The following PTPRD variants were observed in gnomAD, a reference collection of about 807,000 sequenced individuals.
PTPRD encodes the protein protein tyrosine phosphatase receptor type D, also known as receptor-type tyrosine-protein phosphatase delta.
Under a neutral mutation model 214.5 loss-of-function variants are expected in PTPRD, and 34 were observed. That is an observed-to-expected ratio of 0.16 (90% CI 0.12 to 0.21). PTPRD has a LOEUF of 0.21. Ranked by LOEUF, PTPRD falls within the 10% of genes least tolerant of loss-of-function variation. The probability of loss-of-function intolerance (pLI) is 1.00; values close to 1 mark genes in which losing one functional copy is unlikely to be tolerated. For missense variants in PTPRD, 2,545 were observed against 2,398.7 expected, an observed-to-expected ratio of 1.06 and a Z score of -1.27; for synonymous variants, 1,128 against 845.7, an observed-to-expected ratio of 1.33 and a Z score of -5.79.
At chr9:8,884,503 C>T (rs10977333) in intron 11 of PTPRD, among the ~76,000 whole-genome samples, 2 of 152,064 alleles carry the variant, frequency 1.3e-5, no homozygotes, top group South Asian at 2.1e-4. Flanking sequence ...AGTGATGAGA[C>T]TAGACATGGC....
chr9:9,681,851 T>A (rs2249422), intron 7 of PTPRD, among the ~76,000 whole-genome samples: 102,435 of 151,658 alleles, frequency 0.68, 35,125 homozygotes, highest in Non-Finnish European at 0.73. Flanking sequence ...GCAGAGGGAC[T>A]CTACTCAGAA....
At chr9:8,534,415 C>T (rs544443127) in intron 14 of PTPRD, among the ~76,000 whole-genome samples, 2 of 151,954 alleles carry the variant, frequency 1.3e-5, no homozygotes, top group East Asian at 1.9e-4. Flanking sequence ...GAGGCAAACA[C>T]TGTGGGTCTT....
At chr9:8,825,513 G>GT (rs1436904309) in intron 11 of PTPRD, among the ~76,000 whole-genome samples, 2 of 152,118 alleles carry the variant, frequency 1.3e-5, no homozygotes, top group African/African-American at 4.8e-5. Context: ...GTTAAAAGCT[G>GT]TAATAGCTTA....
At chr9:8,794,861 A>T (rs749112435) in intron 11 of PTPRD, among the ~76,000 whole-genome samples, 25 of 150,804 alleles carry the variant, frequency 1.7e-4, no homozygotes, top group Non-Finnish European at 3.3e-4. Flanking sequence ...ATGATCATGA[A>T]AAAAAAAAAC....
Position 9,140,647 on chromosome 9 carries a change from C to T in PTPRD, c.-143+42657G>A, listed in dbSNP as rs1444186624. 1.3e-5 allele frequency among the ~76,000 whole-genome samples: 2 copies of T among 152,206 alleles called. 1 individual carries two copies. The highest frequency in any genetic ancestry group is 4.1e-4 in the South Asian group (2 of 4,832). On this transcript the variant is annotated intron_variant, in intron 10 of 45. Transcript: ENST00000381196. ...AGGCTGGAGTGCAGAGGCGCGATCTCGGCTCACTGCAGGCTTCGCCTCCCG... is the reference window on the plus strand; with the variant it reads ...AGGCTGGAGTGCAGAGGCGCGATCTTGGCTCACTGCAGGCTTCGCCTCCCG...
rs147934713 is a variant in PTPRD at position 9,332,505 on chromosome 9, C to T, written c.-203+64944G>A. On this transcript the variant is annotated intron_variant, in intron 9 of 45. Transcript: ENST00000381196. ...CTGTACCAAATATAGAAAGTAAATGCGATAGTCGAGGAAAGATAATCTGTT... is the reference window on the plus strand; with the variant it reads ...CTGTACCAAATATAGAAAGTAAATGTGATAGTCGAGGAAAGATAATCTGTT... Among the ~76,000 whole-genome samples, 5 of 149,486 alleles carry T rather than the reference C, an allele frequency of 3.3e-5. No homozygotes were observed. The East Asian group carries it at 5.9e-4, about 18-fold the overall frequency.
chr9:8,574,186 G>A (rs1448981782), intron 14 of PTPRD, among the ~76,000 whole-genome samples: 1 of 151,822 alleles, frequency 6.6e-6, no homozygotes, highest in African/African-American at 2.4e-5. Context: ...TTCATCTCAA[G>A]AAAAGACTAG....
chr9:9,173,664 C>T (rs757103382), intron 10 of PTPRD, among the ~76,000 whole-genome samples: 7 of 152,050 alleles, frequency 4.6e-5, no homozygotes, highest in Non-Finnish European at 8.8e-5. Context: ...CATATCTAAA[C>T]ATAGAAAAGG....
intron 10 of PTPRD, among the ~76,000 whole-genome samples, chr9:9,172,913 G>A (rs1313750741): frequency 1.3e-5 from 2 of 152,076 alleles, no homozygotes; most frequent in South Asian, 2.1e-4. Context: ...ATACAGATTC[G>A]ATCGTGTCCA....
chr9:9,823,529 T>G (rs1193396485), intron 5 of PTPRD, among the ~76,000 whole-genome samples: 1 of 152,042 alleles, frequency 6.6e-6, no homozygotes, highest in Non-Finnish European at 1.5e-5. Flanking sequence ...ACCAATATAC[T>G]ATATGATATT....
intron 12 of PTPRD, among the ~76,000 whole-genome samples, chr9:8,699,206 T>C (rs1330345495): frequency 1.3e-5 from 2 of 152,246 alleles, no homozygotes; most frequent in Admixed American, 6.5e-5. Flanking sequence ...TTATGAAATC[T>C]ATCAGTTCAA....
At chr9:10,177,309 C>G (rs1370536737) in intron 3 of PTPRD, among the ~76,000 whole-genome samples, 3 of 151,396 alleles carry the variant, frequency 2.0e-5, no homozygotes, top group Non-Finnish European at 4.4e-5. Context: ...TTGAAGATGC[C>G]TAATAAATCC....
intron 36 of PTPRD, among the ~76,000 whole-genome samples, chr9:8,401,212 T>C (rs1036459087): frequency 1.3e-5 from 2 of 151,670 alleles, no homozygotes; most frequent in Non-Finnish European, 2.9e-5. Flanking sequence ...TTGCCCAAGC[T>C]GGAGTGCAGT....
intron 11 of PTPRD, among the ~76,000 whole-genome samples, chr9:8,873,125 C>T (rs1471656942): frequency 6.6e-6 from 1 of 152,174 alleles, no homozygotes; most frequent in African/African-American, 2.4e-5. Context: ...TGGTGAGACT[C>T]TCCACTGAGC....
At chr9:9,420,266 T>C (rs1486281437) in intron 8 of PTPRD, among the ~76,000 whole-genome samples, 1 of 151,856 alleles carries the variant, frequency 6.6e-6, no homozygotes, top group Non-Finnish European at 1.5e-5. Context: ...GTAAACTATT[T>C]TAGTTTTCAC....
chr9:10,305,383 CAAAAAAA>C (rs532681794), intron 3 of PTPRD, among the ~76,000 whole-genome samples: 3 of 75,880 alleles, frequency 4.0e-5, no homozygotes, highest in African/African-American at 1.2e-4. Flanking sequence ...AAAGCAATGG[CAAAAAAA>C]AAAAAAAAAA....
chr9:9,650,835 C>A (rs1396235061), intron 7 of PTPRD, among the ~76,000 whole-genome samples: 1 of 151,832 alleles, frequency 6.6e-6, no homozygotes, highest in Non-Finnish European at 1.5e-5. Context: ...TAAATTTGTA[C>A]ACCTATTTAT....
rs569535043 is a variant in PTPRD at position 10,113,856 on chromosome 9, T to A, written c.-544-80066A>T. ...ATGCTGCTGATACATGGGCCACATTTTGATTAGCAAGAATCTGGGAAAAGA... is the reference window on the plus strand; with the variant it reads ...ATGCTGCTGATACATGGGCCACATTATGATTAGCAAGAATCTGGGAAAAGA... On this transcript the variant is annotated intron_variant, in intron 3 of 45. Transcript: ENST00000381196. 3.9e-5 allele frequency among the ~76,000 whole-genome samples: 6 copies of A among 152,328 alleles called. No individual in the cohort carries two copies. In the South Asian group the frequency reaches 1.2e-3, roughly 32 times the overall value.
chr9:8,465,273 T>C (rs932964139), intron 32 of PTPRD, among the ~76,000 whole-genome samples, 193 bp downstream of exon 32: 3 of 151,956 alleles, frequency 2.0e-5, no homozygotes, highest in East Asian at 1.9e-4. Context: ...ATCAGAGACA[T>C]AGTCTCATTT....
Sources: allele counts gnomAD v4.1 joint callset (sites outside exome capture counted in the v4.1 genomes callset), GRCh38; gene constraint gnomAD v4.1.1; transcripts MANE v1.5; gene names NCBI Gene and HGNC (gene_info 2026-07-23, HGNC 2026-07-21).